MMS22L: variants seen among roughly 807,000 people sequenced by gnomAD.
MMS22L encodes MMS22 like, DNA repair protein, also known as protein MMS22-like.
Under a neutral mutation model 159.1 loss-of-function variants are expected in MMS22L, and 74 were observed. The ratio of observed to expected loss-of-function variants is 0.47; its 90% CI spans 0.39 to 0.56. MMS22L has a LOEUF of 0.56. Ranked by LOEUF, MMS22L falls within the 20% of genes least tolerant of loss-of-function variation. The probability of loss-of-function intolerance (pLI) is 0.00; values close to 1 mark genes in which losing one functional copy is unlikely to be tolerated. For synonymous variants in MMS22L, 517 were observed against 506.9 expected (o/e 1.02, Z -0.27); for missense variants, 1,351 against 1,422.1 (o/e 0.95, Z 0.80).
intron 11 of MMS22L, among the ~76,000 whole-genome samples, chr6:97,241,830 T>A (rs1323418598): frequency 6.6e-6 from 1 of 152,242 alleles, no homozygotes; most frequent in African/African-American, 2.4e-5. Context: ...TTCAAAGGAT[T>A]TTTAAATTTC....
At chr6:97,253,394 T>C (rs1018573197) in intron 10 of MMS22L, 7 of 151,992 alleles carry the variant, frequency 4.6e-5, no homozygotes, top group African/African-American at 1.7e-4. Context: ...ACCAAGGAAC[T>C]TTTTAAAAAT....
chr6:97,196,798 T>C (rs1478746471), intron 14 of MMS22L, among the ~76,000 whole-genome samples: 1 of 152,156 alleles, frequency 6.6e-6, no homozygotes, highest in East Asian at 1.9e-4. Flanking sequence ...GATGAGTATG[T>C]GCAGTGTGAC....
intron 14 of MMS22L, among the ~76,000 whole-genome samples, chr6:97,196,263 C>T (rs917857654): frequency 6.6e-6 from 1 of 152,048 alleles, no homozygotes; most frequent in African/African-American, 2.4e-5. Flanking sequence ...TCAAAGAAGA[C>T]TTCCTGGAGA....
intron 9 of MMS22L, chr6:97,259,513 T>A (rs547589251): frequency 6.6e-6 from 1 of 152,180 alleles, no homozygotes; most frequent in Non-Finnish European, 1.5e-5. Flanking sequence ...GAAACACTGT[T>A]CTTTTCCTGC....
intron 10 of MMS22L, among the ~76,000 whole-genome samples, chr6:97,250,701 T>C (rs1056907586): frequency 3.3e-5 from 5 of 152,192 alleles, no homozygotes; most frequent in African/African-American, 1.2e-4. Context: ...AGCTTTGTGA[T>C]TTAAATCCAC....
rs1225407751 is a variant in MMS22L at position 97,182,018 on chromosome 6, G to A, written c.2270C>T (p.Ala757Val). ...TLLAMDMPSTAPSDFQPQPVI... is the reference protein window; with the variant it reads ...TLLAMDMPSTVPSDFQPQPVI... ...TGGCTGAGGCTGAAAATCTGATGGA[G>A]CTGTGCTTGGCATGTCCATTGCTAG... The change falls in exon 16 of 25, where the codon GCT (alanine) becomes GTT (valine). Residue 757 changes from alanine (A) to valine (V), a missense_variant. Ala to Val is a moderately conservative substitution (Grantham distance 64, BLOSUM62 0). Coordinates refer to ENST00000683635, the MANE Select transcript of MMS22L (RefSeq NM_001350599.2). 1.2e-6 allele frequency: 2 copies of A among 1,613,298 alleles called. No individual in the cohort carries two copies. The highest frequency in any genetic ancestry group is 2.2e-5 in the South Asian group (2 of 90,918).
At position 97,145,048 on chromosome 6, in the gene MMS22L, A is replaced by C. The variant is rs1800860831; in HGVS notation, c.*1758T>G. 7.2e-6 allele frequency: 1 copy of C among 138,740 alleles called. No homozygotes were observed. The highest frequency in any genetic ancestry group is 1.5e-5 in the Non-Finnish European group (1 of 64,800). The allele number at this position is 138,740 out of a possible 1,614,324, so 8.6% of individuals were successfully genotyped here. A position where few individuals can be genotyped will look rare whatever the true frequency, so the allele number is the denominator to read the frequency against. ...CCCACACACACACACACACACACAC[A>C]CACACACACACACACACAAAAACAC... On this transcript the variant is annotated 3_prime_UTR_variant, in exon 25 of 25. Coordinates refer to ENST00000683635, the MANE Select transcript of MMS22L (RefSeq NM_001350599.2).
At chr6:97,281,149 G>A in intron 3 of MMS22L, 88 bp downstream of exon 3, 1 of 1,273,594 alleles carries the variant, frequency 7.9e-7, no homozygotes, top group Non-Finnish European at 1.1e-6. Context: ...CTGGTCTTTT[G>A]TAATATCAGT....
At chr6:97,159,753 G>A (rs983121235) in intron 22 of MMS22L, among the ~76,000 whole-genome samples, 4 of 151,744 alleles carry the variant, frequency 2.6e-5, no homozygotes, top group African/African-American at 7.3e-5. Context: ...ATTACCTTCA[G>A]GCTACATGTT....
At chr6:97,231,296 A>C in intron 13 of MMS22L, 130 bp downstream of exon 13, 2 of 657,820 alleles carry the variant, frequency 3.0e-6, no homozygotes, top group Non-Finnish European at 5.2e-6. Flanking sequence ...AATCAAATGC[A>C]TATAATGGAT....
intron 17 of MMS22L, 99 bp from the exon 18 acceptor site, chr6:97,178,684 T>C (rs1804373992): frequency 1.9e-6 from 1 of 522,754 alleles, no homozygotes; most frequent in Non-Finnish European, 3.1e-6. Context: ...TGAGAAGTAA[T>C]ACAGTATTCT....
At chr6:97,201,363 TCTTA>T (rs1481301133) in intron 14 of MMS22L, among the ~76,000 whole-genome samples, 2 of 152,184 alleles carry the variant, frequency 1.3e-5, no homozygotes, top group Admixed American at 6.6e-5. Flanking sequence ...TTCAATCACC[TCTTA>T]CTCTTACTCT....
At chr6:97,171,122 T>C (rs1803501242) in intron 19 of MMS22L, among the ~76,000 whole-genome samples, 2 of 152,190 alleles carry the variant, frequency 1.3e-5, no homozygotes, top group Non-Finnish European at 2.9e-5. Flanking sequence ...TCTCCTACTT[T>C]GGAGCTCTTT....
chr6:97,265,979 C>G (rs1815068071), intron 8 of MMS22L: 1 of 152,180 alleles, frequency 6.6e-6, no homozygotes. Context: ...CTCGGCCTCC[C>G]AAAGTGCTGG....
chr6:97,203,844 T>G (rs1807454763), intron 14 of MMS22L, among the ~76,000 whole-genome samples: 1 of 152,222 alleles, frequency 6.6e-6, no homozygotes, highest in Admixed American at 6.5e-5. Flanking sequence ...TGACCATCTC[T>G]TTCTTCTGGA....
intron 8 of MMS22L, chr6:97,265,807 C>A (rs1423668152): frequency 6.6e-6 from 1 of 151,686 alleles, no homozygotes; most frequent in East Asian, 1.9e-4. Context: ...CTGCAACCTG[C>A]GCCTCCCAGG....
intron 14 of MMS22L, among the ~76,000 whole-genome samples, chr6:97,187,794 A>T (rs763719473): frequency 6.6e-6 from 1 of 152,216 alleles, no homozygotes; most frequent in African/African-American, 2.4e-5. Context: ...CCACAAAAAG[A>T]TCAAGCTGGT....
In MMS22L at chr6:97,173,098, A is replaced by G; in HGVS notation, c.2804T>C (p.Phe935Ser). The change falls in exon 19 of 25, where the codon TTC becomes TCC. Residue 935 changes from phenylalanine (F) to serine (S), a missense_variant. Coordinates refer to ENST00000683635, the MANE Select transcript of MMS22L (RefSeq NM_001350599.2). ...ATAAGTCAGCTGCAGCCCTGCACTG[A>G]AAACTTTTTTTCCCAAATAAGGCTT... ...YIKPYLGKKV[F>S]SAGLQLTYGM... 6.2e-7 allele frequency: 1 copy of G among 1,613,236 alleles called. No individual in the cohort carries two copies. The highest frequency in any genetic ancestry group is 8.5e-7 in the Non-Finnish European group (1 of 1,179,680).
chr6:97,266,436 T>C (rs1815123974), intron 8 of MMS22L: 1 of 152,222 alleles, frequency 6.6e-6, no homozygotes, highest in Admixed American at 6.5e-5. Context: ...AACAGATGAA[T>C]GCATAAAGAA....
Sources: gnomAD v4.1 joint callset for allele counts (sites outside exome capture counted in the v4.1 genomes callset) on GRCh38, gnomAD v4.1.1 for gene constraint, MANE v1.5 for transcripts, NCBI Gene and HGNC (gene_info 2026-07-23, HGNC 2026-07-21) for gene names.